Variants in SPATA6 observed in about 807,000 individuals in gnomAD.
The protein encoded by SPATA6 is spermatogenesis associated 6.
A neutral mutation model predicts 65.3 loss-of-function variants in SPATA6; 56 were observed. That is an observed-to-expected ratio of 0.86 (90% CI 0.69 to 1.07). SPATA6 has a LOEUF of 1.07. SPATA6 is among the 50% of genes least tolerant of loss of function. The pLI is 0.00. For synonymous variants in SPATA6, 199 were observed against 213.2 expected, an observed-to-expected ratio of 0.93 and a Z score of 0.58; for missense variants, 590 against 594.8, an observed-to-expected ratio of 0.99 and a Z score of 0.08.
At position 48,407,348 on chromosome 1, in the gene SPATA6, T is replaced by C. The variant is rs1427358040; in HGVS notation, c.406-3466A>G. ...GAGAGTTTATCTCAGCCCTTTATTG[T>C]TACCTTACTCCCAGGACCTTCCTGT... is the stretch of plus-strand genomic sequence containing the variant. On this transcript the variant is annotated intron_variant, in intron 5 of 12. Transcript: ENST00000371847. 3.3e-5 allele frequency among the ~76,000 whole-genome samples: 5 copies of C among 152,202 alleles called. No individual in the cohort carries two copies. In the East Asian group the frequency reaches 7.7e-4, roughly 23 times the overall value.
chr1:48,350,533 G>T (rs1333549758), intron 11 of SPATA6, among the ~76,000 whole-genome samples: 1 of 151,656 alleles, frequency 6.6e-6, no homozygotes, highest in Non-Finnish European at 1.5e-5. Context: ...TCCTCTAGAA[G>T]TTTTACAGTT....
chr1:48,386,480 G>T (rs1649476572), intron 8 of SPATA6, among the ~76,000 whole-genome samples: 1 of 152,152 alleles, frequency 6.6e-6, no homozygotes, highest in African/African-American at 2.4e-5. Context: ...CAAAAGAGCA[G>T]ATAGATAATC....
intron 3 of SPATA6, among the ~76,000 whole-genome samples, chr1:48,433,541 A>G (rs1314379314): frequency 1.3e-5 from 2 of 152,188 alleles, no homozygotes; most frequent in Admixed American, 1.3e-4. Context: ...AATTAAATGT[A>G]CTATGATACT....
chr1:48,374,941 T>A (rs1323988486), intron 9 of SPATA6, among the ~76,000 whole-genome samples: 2 of 152,182 alleles, frequency 1.3e-5, no homozygotes, highest in Non-Finnish European at 2.9e-5. Context: ...TCCCATACTG[T>A]ATTATGTCAT....
At chr1:48,268,437 C>A in the SPATA6 span, among the ~76,000 whole-genome samples, 2 of 151,954 alleles carry the variant, frequency 1.3e-5, no homozygotes, top group Non-Finnish European at 2.9e-5. Flanking sequence ...TGGAAACATT[C>A]ATCTGGCTGA....
chr1:48,286,208 A>C, the SPATA6 span, among the ~76,000 whole-genome samples: 2 of 152,072 alleles, frequency 1.3e-5, no homozygotes, highest in African/African-American at 4.8e-5. Context: ...TTCTGTAAAA[A>C]AAAAAATGCC....
At chr1:48,307,395 TATATTC>T (rs935970711) in intron 11 of SPATA6, among the ~76,000 whole-genome samples, 1 of 148,444 alleles carries the variant, frequency 6.7e-6, no homozygotes, top group African/African-American at 2.4e-5. Context: ...CATATACATT[TATATTC>T]ATATATATAT....
At position 48,331,310 on chromosome 1, in the gene SPATA6, A is replaced by G. The variant is rs114366939; in HGVS notation, c.1194+24360T>C. On this transcript the variant is annotated intron_variant, in intron 11 of 12. Coordinates refer to ENST00000371847, the MANE Select transcript of SPATA6 (RefSeq NM_019073.4). Reference sequence around the variant, plus strand: ...AGATTCAGGAGACTGCTGAAACCCAATGCAAGGAAGCTAATAATCACAGTA... The same window carrying G: ...AGATTCAGGAGACTGCTGAAACCCAGTGCAAGGAAGCTAATAATCACAGTA... Among the ~76,000 whole-genome samples the G allele has an allele frequency of 2.4e-3, 362 of 152,274 alleles. 1 individual carries two copies. Among genetic ancestry groups the G allele is most frequent in the African/African-American group, 7.9e-3 (328 of 41,560 alleles).
At chr1:48,470,160 AAT>A (rs1206799039) in intron 1 of SPATA6, among the ~76,000 whole-genome samples, 1 of 152,194 alleles carries the variant, frequency 6.6e-6, no homozygotes, top group Non-Finnish European at 1.5e-5. Flanking sequence ...CAATACAACT[AAT>A]ACTCAGGAGA....
At chr1:48,345,859 A>G (rs1484570758) in intron 11 of SPATA6, among the ~76,000 whole-genome samples, 1 of 152,086 alleles carries the variant, frequency 6.6e-6, no homozygotes. Flanking sequence ...TAGCCTACTA[A>G]CAACAACAAA....
intron 1 of SPATA6, among the ~76,000 whole-genome samples, chr1:48,467,504 T>C (rs559540368): frequency 1.3e-5 from 2 of 152,116 alleles, no homozygotes; most frequent in Non-Finnish European, 2.9e-5. Context: ...AAAAGATTTT[T>C]ACAAGAATGA....
At chr1:48,282,002 C>T in the SPATA6 span, among the ~76,000 whole-genome samples, 1 of 152,134 alleles carries the variant, frequency 6.6e-6, no homozygotes, top group Non-Finnish European at 1.5e-5. Flanking sequence ...ATCAATGGAA[C>T]AGAACAGAGC....
At chr1:48,441,656 G>A (rs1655495339) in intron 3 of SPATA6, among the ~76,000 whole-genome samples, 1 of 152,000 alleles carries the variant, frequency 6.6e-6, no homozygotes, top group African/African-American at 2.4e-5. Flanking sequence ...TCACAGAGAG[G>A]GCAGGAATAG....
the SPATA6 span, among the ~76,000 whole-genome samples, chr1:48,290,040 A>G: frequency 6.6e-6 from 1 of 152,212 alleles, no homozygotes; most frequent in African/African-American, 2.4e-5. Flanking sequence ...ACTACAAGAC[A>G]CATAATTGTC....
chr1:48,365,932 G>C (rs1646992662), intron 9 of SPATA6, among the ~76,000 whole-genome samples: 2 of 152,164 alleles, frequency 1.3e-5, no homozygotes, highest in African/African-American at 2.4e-5. Flanking sequence ...CTGTGGGTTT[G>C]TCATAGATAG....
At chr1:48,312,891 G>A (rs1413226497) in intron 11 of SPATA6, among the ~76,000 whole-genome samples, 2 of 152,168 alleles carry the variant, frequency 1.3e-5, no homozygotes, top group African/African-American at 2.4e-5. Flanking sequence ...AGAGACAAAC[G>A]TGACGAATGC....
At chr1:48,368,052 T>G (rs11205479) in intron 9 of SPATA6, among the ~76,000 whole-genome samples, 23,800 of 152,142 alleles carry the variant, frequency 0.16, 2,145 homozygotes, top group East Asian at 0.43. Context: ...CCTTCACTTA[T>G]GAAGCTTAGT....
At position 48,298,774 on chromosome 1, in the gene SPATA6, A is replaced by C. The variant is rs780417764; in HGVS notation, c.1406T>G (p.Met469Arg). ...RPIFENSMDK[M>R]YRNLYKKACS... ...GGCCTTTTTGTATAAGTTCCTGTAC[A>C]TCTTGTCCATGCTGTTCTCAAAGAT... is the stretch of plus-strand genomic sequence containing the variant. The change falls in exon 13 of 13, where the codon ATG becomes AGG. Residue 469 changes from methionine (M) to arginine (R), a missense_variant. Transcript: ENST00000371847. 1.2e-6 allele frequency: 2 copies of C among 1,613,934 alleles called. No homozygotes were observed. The highest frequency in any genetic ancestry group is 2.2e-5 in the South Asian group (2 of 91,080).
intron 1 of SPATA6, among the ~76,000 whole-genome samples, chr1:48,466,865 A>G (rs1332144565): frequency 2.0e-5 from 3 of 152,116 alleles, no homozygotes; most frequent in Non-Finnish European, 4.4e-5. Flanking sequence ...AGTTTCAGTT[A>G]GGTAATGAGA....
Sources: allele counts gnomAD v4.1 joint callset (sites outside exome capture counted in the v4.1 genomes callset), GRCh38; gene constraint gnomAD v4.1.1; transcripts MANE v1.5; gene names NCBI Gene and HGNC (gene_info 2026-07-23, HGNC 2026-07-21).